RBFOX2: variants seen among roughly 807,000 people sequenced by gnomAD.
RBFOX2 encodes the protein RNA binding protein fox-1 homolog 2.
In RBFOX2, 10 loss-of-function variants were observed where a neutral mutation model predicts 49.1. The ratio of observed to expected loss-of-function variants is 0.20; its 90% CI spans 0.13 to 0.35. The LOEUF (loss-of-function observed/expected upper bound fraction) is 0.35, where lower values mean the gene tolerates loss of function less well. RBFOX2 is among the 10% of genes least tolerant of loss of function. The pLI is 1.00. For missense variants in RBFOX2, 323 were observed against 486.9 expected (o/e 0.66, Z 3.17); for synonymous variants, 183 against 187.4 (o/e 0.98, Z 0.19).
upstream of RBFOX2, among the ~76,000 whole-genome samples, chr22:35,966,367 G>A (rs1295495137): frequency 6.6e-6 from 1 of 152,150 alleles, no homozygotes; most frequent in Non-Finnish European, 1.5e-5. Flanking sequence ...TGGAATGACT[G>A]GTTATAGGGT....
At chr22:35,901,573 T>C (rs1268116210) in intron 1 of RBFOX2, among the ~76,000 whole-genome samples, 3 of 152,180 alleles carry the variant, frequency 2.0e-5, no homozygotes, top group Non-Finnish European at 2.9e-5. Flanking sequence ...GCCAAAACAC[T>C]GCTACTACTG....
At chr22:35,766,219 C>T (rs1252143619) in intron 5 of RBFOX2, among the ~76,000 whole-genome samples, 5 of 152,172 alleles carry the variant, frequency 3.3e-5, no homozygotes, top group African/African-American at 7.2e-5. Context: ...AAAGATGCTG[C>T]TGCTGAAGAA....
At chr22:35,829,190 TA>T in intron 1 of RBFOX2, among the ~76,000 whole-genome samples, 1 of 152,078 alleles carries the variant, frequency 6.6e-6, no homozygotes, top group Admixed American at 6.5e-5. Flanking sequence ...CCCAACAAGA[TA>T]AAATTCACAA....
chr22:35,769,519 C>T (rs931671404), intron 4 of RBFOX2, among the ~76,000 whole-genome samples: 3 of 152,116 alleles, frequency 2.0e-5, no homozygotes, highest in Admixed American at 6.5e-5. Flanking sequence ...CTGTCCTTAT[C>T]GTTCTACTCT....
intron 1 of RBFOX2, among the ~76,000 whole-genome samples, chr22:35,866,185 T>C (rs1344888456): frequency 6.6e-6 from 1 of 152,226 alleles, no homozygotes; most frequent in Non-Finnish European, 1.5e-5. Context: ...TTTGGGGGTA[T>C]ACCAGAAAAG....
At chr22:35,867,510 G>A (rs922448518) in intron 1 of RBFOX2, among the ~76,000 whole-genome samples, 4 of 152,106 alleles carry the variant, frequency 2.6e-5, no homozygotes, top group African/African-American at 9.7e-5. Context: ...ACACACAATT[G>A]CTCACACCAT....
chr22:35,824,751 G>C (rs1418001610), intron 1 of RBFOX2, among the ~76,000 whole-genome samples: 1 of 152,168 alleles, frequency 6.6e-6, no homozygotes, highest in African/African-American at 2.4e-5. Flanking sequence ...AATGTTTGTA[G>C]TTTTCACTCC....
At chr22:35,848,019 G>A (rs2041439612) in intron 1 of RBFOX2, among the ~76,000 whole-genome samples, 1 of 152,090 alleles carries the variant, frequency 6.6e-6, no homozygotes, top group South Asian at 2.1e-4. Context: ...ATTACATACT[G>A]TAATTATTTT....
intron 1 of RBFOX2, among the ~76,000 whole-genome samples, chr22:36,013,969 C>T (rs943722722): frequency 6.6e-6 from 1 of 151,528 alleles, no homozygotes; most frequent in Non-Finnish European, 1.5e-5. Context: ...GTTTGGAAAA[C>T]GCTACACAAT....
chr22:35,738,884 A>G (rs1928348069), exon 12 of RBFOX2: 1 of 152,676 alleles, frequency 6.5e-6, no homozygotes, highest in East Asian at 1.9e-4. Context: ...AATAAGGAAT[A>G]AAAGCTAAAG....
chr22:36,014,648 G>A (rs1421621767), intron 1 of RBFOX2, among the ~76,000 whole-genome samples: 1 of 151,956 alleles, frequency 6.6e-6, no homozygotes, highest in Non-Finnish European at 1.5e-5. Flanking sequence ...TCAAATAAGG[G>A]ATTCTTAAAA....
At chr22:35,856,630 A>G (rs1194887504) in intron 1 of RBFOX2, among the ~76,000 whole-genome samples, 124 of 113,466 alleles carry the variant, frequency 1.1e-3, no homozygotes, top group East Asian at 6.6e-3. Flanking sequence ...CCAGGAGGGG[A>G]AAAAAAAAAA....
rs1938160859 is a variant in RBFOX2 at position 35,759,885 on chromosome 22, T to C, written c.887+3A>G. 4 of 1,613,676 alleles carry C rather than the reference T, an allele frequency of 2.5e-6. No individual in the cohort carries two copies. The highest frequency in any genetic ancestry group is 3.4e-6 in the Non-Finnish European group (4 of 1,179,978). ...CATACTGATTTTGGAATCTAACGCT[T>C]ACCCTGGATAGGCGGGGATGGCTGT... On this transcript the variant is annotated splice_donor_region_variant and intron_variant, in intron 9 of 11. Transcript: ENST00000405409. This position sits in a 1 kb window ranked among gnomAD's most constrained non-coding sequence, Gnocchi z 4.6.
intron 4 of RBFOX2, among the ~76,000 whole-genome samples, chr22:35,774,415 C>T (rs1212300756): frequency 6.6e-6 from 1 of 152,036 alleles, no homozygotes; most frequent in Non-Finnish European, 1.5e-5. Flanking sequence ...TACCACTTTC[C>T]ATCATATATC....
upstream of RBFOX2, among the ~76,000 whole-genome samples, chr22:35,843,086 A>C (rs2040715040): frequency 1.3e-5 from 2 of 152,188 alleles, no homozygotes; most frequent in African/African-American, 4.8e-5. Context: ...CCCTGGTATT[A>C]TAGAGGACAA....
chr22:35,811,598 G>A (rs977879592), intron 1 of RBFOX2, among the ~76,000 whole-genome samples: 4 of 151,898 alleles, frequency 2.6e-5, no homozygotes, highest in African/African-American at 9.7e-5. Context: ...CTTGCAAACT[G>A]GTAAAGGCAG....
intron 1 of RBFOX2, among the ~76,000 whole-genome samples, chr22:35,823,553 C>T (rs1292562073): frequency 6.6e-6 from 1 of 152,188 alleles, no homozygotes; most frequent in Non-Finnish European, 1.5e-5. Flanking sequence ...ATGAAAGCAT[C>T]TATCTACCAT....
intron 9 of RBFOX2, among the ~76,000 whole-genome samples, chr22:35,751,908 A>G (rs529173914): frequency 6.6e-6 from 1 of 152,326 alleles, no homozygotes; most frequent in East Asian, 1.9e-4. Flanking sequence ...AAATTAGTTC[A>G]TTTCCAAAAT....
chr22:35,964,515 T>C (rs1447527519), upstream of RBFOX2, among the ~76,000 whole-genome samples: 1 of 152,212 alleles, frequency 6.6e-6, no homozygotes, highest in Non-Finnish European at 1.5e-5. Context: ...CTGGAATTAA[T>C]TTCATAATAT....
Sources: gnomAD v4.1 joint callset for allele counts (sites outside exome capture counted in the v4.1 genomes callset) on GRCh38, gnomAD v4.1.1 for gene constraint, Gnocchi (gnomAD v3.1) non-coding constraint, MANE v1.5 for transcripts, NCBI Gene and HGNC (gene_info 2026-07-23, HGNC 2026-07-21) for gene names.